ABI1: variants seen among roughly 807,000 people sequenced by gnomAD.
ABI1 encodes the protein abl interactor 1, also known as Abelson interactor 1.
ABI1 carries 14 observed loss-of-function variants against 54.6 expected under a neutral mutation model. The observed-to-expected ratio is 0.26, with a 90% CI of 0.17 to 0.40. The LOEUF (loss-of-function observed/expected upper bound fraction) is 0.40. Ranked by LOEUF, ABI1 falls within the 10% of genes least tolerant of loss-of-function variation. The pLI, the probability that ABI1 is intolerant of heterozygous loss-of-function variation, is 1.00. For synonymous variants in ABI1, 194 were observed against 209.3 expected, an observed-to-expected ratio of 0.93 and a Z score of 0.63; for missense variants, 443 against 598.3, an observed-to-expected ratio of 0.74 and a Z score of 2.71.
intron 3 of ABI1, among the ~76,000 whole-genome samples, chr10:26,774,568 C>T (rs11015278): frequency 0.068 from 10,311 of 152,086 alleles, 390 homozygotes; most frequent in East Asian, 0.14. Flanking sequence ...TCCCAAAAAT[C>T]GAACCAGATT....
chr10:26,792,211 T>G (rs905772293), intron 2 of ABI1, among the ~76,000 whole-genome samples: 1 of 152,232 alleles, frequency 6.6e-6, no homozygotes, highest in East Asian at 1.9e-4. Context: ...AACGATGGAT[T>G]CAGAGATGTC....
At chr10:26,809,218 C>T (rs938915310) in intron 2 of ABI1, among the ~76,000 whole-genome samples, 6 of 148,808 alleles carry the variant, frequency 4.0e-5, no homozygotes, top group Admixed American at 6.7e-5. Flanking sequence ...TGCAGTGAGC[C>T]GAGATTGTGC....
chr10:26,789,393 A>T (rs1288860271), intron 2 of ABI1, among the ~76,000 whole-genome samples: 1 of 152,234 alleles, frequency 6.6e-6, no homozygotes, highest in African/African-American at 2.4e-5. Flanking sequence ...GCATGAATAC[A>T]TACACACATT....
intron 1 of ABI1, among the ~76,000 whole-genome samples, chr10:26,858,387 C>T (rs1393893964): frequency 6.6e-6 from 1 of 151,894 alleles, no homozygotes; most frequent in Admixed American, 6.6e-5. Flanking sequence ...AACTAGTGGC[C>T]TGGATCATGC....
intron 2 of ABI1, among the ~76,000 whole-genome samples, chr10:26,785,955 A>G (rs1043342660): frequency 2.6e-5 from 4 of 152,138 alleles, no homozygotes; most frequent in African/African-American, 9.7e-5. Context: ...CTCTGCCTCC[A>G]GTTATTCTCA....
At chr10:26,834,388 G>A (rs1052194508) in intron 1 of ABI1, among the ~76,000 whole-genome samples, 3 of 151,888 alleles carry the variant, frequency 2.0e-5, no homozygotes, top group African/African-American at 7.3e-5. Flanking sequence ...AAAGTAAAAC[G>A]ACAACCCATA....
chr10:26,850,057 C>T (rs1024142453), intron 1 of ABI1, among the ~76,000 whole-genome samples: 1 of 152,150 alleles, frequency 6.6e-6, no homozygotes, highest in Non-Finnish European at 1.5e-5. Flanking sequence ...CAATAGTCCC[C>T]CTTTTTCCAC....
Position 26,747,527 on chromosome 10 carries a change from T to C in ABI1, c.*1043A>G, listed in dbSNP as rs1564445203. The stretch of plus-strand genomic sequence containing the variant: ...ATCCACTTTTACAATATGTAAAAGG[T>C]ACTTTTAACTTCCTTTCATTGAACC... On this transcript the variant is annotated 3_prime_UTR_variant, in exon 11 of 11. Transcript: ENST00000376140. The C allele has an allele frequency of 4.9e-6, 1 of 205,424 alleles. No individual in the cohort carries two copies. The allele number at this position is 205,424 out of a possible 1,614,324, so 12.7% of individuals were successfully genotyped here.
intron 1 of ABI1, among the ~76,000 whole-genome samples, chr10:26,857,869 A>G (rs1038291364): frequency 1.3e-5 from 2 of 151,848 alleles, no homozygotes; most frequent in South Asian, 4.1e-4. Flanking sequence ...AAAAAAAGAA[A>G]GAAAAAAACT....
intron 7 of ABI1, among the ~76,000 whole-genome samples, chr10:26,760,027 C>T (rs1399380741): frequency 6.6e-6 from 1 of 150,828 alleles, no homozygotes; most frequent in Non-Finnish European, 1.5e-5. Context: ...AATCTATTCT[C>T]TTTCTCCATG....
At chr10:26,848,200 CAAA>C (rs149066426) in intron 1 of ABI1, among the ~76,000 whole-genome samples, 29 of 78,664 alleles carry the variant, frequency 3.7e-4, no homozygotes, top group South Asian at 5.0e-4. Flanking sequence ...GACCCTGTCT[CAAA>C]AAAAAAAAAA....
chr10:26,782,462 C>T (rs1361946776), intron 2 of ABI1, among the ~76,000 whole-genome samples: 7 of 152,142 alleles, frequency 4.6e-5, no homozygotes, highest in African/African-American at 9.7e-5. Context: ...CAGTGGCTCA[C>T]GCCTGTAATC....
chr10:26,849,060 A>T (rs2050202078), intron 1 of ABI1, among the ~76,000 whole-genome samples: 1 of 152,212 alleles, frequency 6.6e-6, no homozygotes, highest in Non-Finnish European at 1.5e-5. Flanking sequence ...TGAACCAATC[A>T]TCTATCCCAA....
chr10:26,853,784 C>T (rs1462318131), intron 1 of ABI1, among the ~76,000 whole-genome samples: 3 of 151,900 alleles, frequency 2.0e-5, no homozygotes, highest in Non-Finnish European at 2.9e-5. Flanking sequence ...CCTCATGATC[C>T]GCCCGCCTCA....
chr10:26,810,418 TGTTA>T (rs1382275675), intron 2 of ABI1, among the ~76,000 whole-genome samples: 6 of 152,264 alleles, frequency 3.9e-5, no homozygotes, highest in African/African-American at 1.4e-4. Context: ...TAAAAAAAAA[TGTTA>T]CTTACTATAA....
chr10:26,810,481 A>G (rs2047160506), intron 2 of ABI1, among the ~76,000 whole-genome samples: 1 of 152,230 alleles, frequency 6.6e-6, no homozygotes, highest in African/African-American at 2.4e-5. Flanking sequence ...AATTTTTTGA[A>G]GTAAATGTTT....
chr10:26,753,148 A>G (rs1239967419), intron 9 of ABI1, among the ~76,000 whole-genome samples: 1 of 152,154 alleles, frequency 6.6e-6, no homozygotes, highest in Non-Finnish European at 1.5e-5. Context: ...CAATGCTGTG[A>G]TTTCTATTTT....
intron 6 of ABI1, among the ~76,000 whole-genome samples, chr10:26,768,533 C>T (rs551995244): frequency 7.7e-4 from 115 of 149,988 alleles, no homozygotes; most frequent in Non-Finnish European, 1.3e-3. Flanking sequence ...AGCAAAACTC[C>T]GTCACAAAAA....
At chr10:26,854,906 A>G (rs1297902805) in intron 1 of ABI1, among the ~76,000 whole-genome samples, 2 of 152,230 alleles carry the variant, frequency 1.3e-5, no homozygotes, top group African/African-American at 4.8e-5. Context: ...GATGCAGGAA[A>G]AGAAAAAAGG....
Sources: allele counts gnomAD v4.1 joint callset (sites outside exome capture counted in the v4.1 genomes callset), GRCh38; gene constraint gnomAD v4.1.1; transcripts MANE v1.5; gene names NCBI Gene and HGNC (gene_info 2026-07-23, HGNC 2026-07-21).